Variants in SEC24C observed in about 807,000 individuals in gnomAD.
SEC24C encodes the protein protein transport protein Sec24C.
Under a neutral mutation model 117.0 loss-of-function variants are expected in SEC24C, and 22 were observed. That is an observed-to-expected ratio of 0.19 (90% CI 0.13 to 0.27). The LOEUF (loss-of-function observed/expected upper bound fraction) is 0.27. Ranked by LOEUF, SEC24C falls within the 10% of genes least tolerant of loss-of-function variation. SEC24C has a pLI of 1.00. For missense variants in SEC24C, 1,155 were observed against 1,375.1 expected (o/e 0.84, Z 2.53); for synonymous variants, 506 against 529.4 (o/e 0.96, Z 0.61).
chr10:73,750,818 G>T (rs1360191309), intron 2 of SEC24C, among the ~76,000 whole-genome samples: 1 of 152,164 alleles, frequency 6.6e-6, no homozygotes, highest in Non-Finnish European at 1.5e-5. Context: ...AGGCAGTCTT[G>T]GATTGACTGA....
In SEC24C at chr10:73,769,328, C is replaced by G; in HGVS notation, c.2425-19C>G. The stretch of plus-strand genomic sequence containing the variant: ...TTGTGAGGGAGGGGTGTGAGTTCCC[C>G]CTTTCTCCTTTCCCCTAGTGTGCCC... On this transcript the variant is annotated intron_variant, in intron 17 of 22. Transcript: ENST00000345254. This position sits in a 1 kb window ranked among gnomAD's most constrained non-coding sequence, Gnocchi z 4.5. 1 of 1,612,980 alleles carries G rather than the reference C, an allele frequency of 6.2e-7. No individual in the cohort carries two copies. Among genetic ancestry groups the G allele is most frequent in the Non-Finnish European group, 8.5e-7 (1 of 1,179,502 alleles).
intron 7 of SEC24C, 100 bp downstream of exon 7, chr10:73,763,701 G>GTTTTTTTTTTTTTTTTT (rs889435844): frequency 1.0e-4 from 15 of 143,902 alleles, no homozygotes; most frequent in African/African-American, 3.1e-4. Flanking sequence ...TTTTTTTTTA[G>GTTTTTTTTTTTTTTTTT]TTTTTAACCA....
chr10:73,758,562 C>T (rs2082747798), intron 3 of SEC24C, among the ~76,000 whole-genome samples: 2 of 152,190 alleles, frequency 1.3e-5, no homozygotes, highest in Admixed American at 1.3e-4. Flanking sequence ...GCTATTCCCC[C>T]ATTCCCCTAT....
chr10:73,750,727 C>T (rs765721677), intron 2 of SEC24C, among the ~76,000 whole-genome samples: 3 of 152,186 alleles, frequency 2.0e-5, no homozygotes, highest in Non-Finnish European at 4.4e-5. Context: ...TCTCCTTTTT[C>T]ATATATGCTC....
At chr10:73,752,634 A>G (rs968827110) in intron 3 of SEC24C, among the ~76,000 whole-genome samples, 4 of 152,068 alleles carry the variant, frequency 2.6e-5, no homozygotes, top group African/African-American at 9.7e-5. Flanking sequence ...CAGGGTGAGG[A>G]TATAGTGAGG....
rs1031498981 is a variant in SEC24C at position 73,771,201 on chromosome 10, T to A, written c.*106T>A. 2 of 1,332,206 alleles carry A rather than the reference T, an allele frequency of 1.5e-6. No individual in the cohort carries two copies. The highest frequency in any genetic ancestry group is 2.9e-5 in the African/African-American group (2 of 68,018). 82.5% of individuals were successfully genotyped at this position (1,332,206 alleles called of 1,614,324 possible). ...TATCTTATGTAAGCTGACCTCAGTC[T>A]CTCTGGGGGGAGGGGGAGATATAAG... On this transcript the variant is annotated 3_prime_UTR_variant, in exon 23 of 23. Transcript: ENST00000345254.
chr10:73,752,867 T>C (rs1398219220), intron 3 of SEC24C, among the ~76,000 whole-genome samples: 6 of 152,070 alleles, frequency 3.9e-5, no homozygotes, highest in Non-Finnish European at 5.9e-5. Flanking sequence ...AACAAGCATA[T>C]GCCTTAGTAA....
rs779983207 is a variant in SEC24C, at chr10:73,767,153, A to G, written c.1993A>G (p.Asn665Asp). ...GAACAGAGATGACAGGAAGCTGATC[A>G]ATACAGACAAGGAGAAGGTGTGGGA... Reference protein sequence around the residue: ...LKNRDDRKLINTDKEKTLFQP... With the variant: ...LKNRDDRKLIDTDKEKTLFQP... Residue 665 changes from asparagine (N) to aspartate (D), a missense_variant, in exon 14 of 23, where the codon AAT (asparagine) becomes GAT (aspartate). Around this residue, in one of 2 missense-constraint regions of SEC24C, gnomAD observed 759 missense variants for 992.3 expected, o/e 0.76. Transcript: ENST00000345254. 1.1e-5 allele frequency: 18 copies of G among 1,612,050 alleles called. 1 individual carries two copies. In the South Asian group the frequency reaches 2.0e-4, roughly 18 times the overall value.
chr10:73,768,256 C>T (rs890094595), intron 15 of SEC24C, among the ~76,000 whole-genome samples: 23 of 152,210 alleles, frequency 1.5e-4, no homozygotes, highest in African/African-American at 5.3e-4. Flanking sequence ...TGGTGGCGGG[C>T]GCCTGTAATC....
intron 2 of SEC24C, among the ~76,000 whole-genome samples, chr10:73,747,634 G>A (rs2082577017): frequency 1.3e-5 from 2 of 149,478 alleles, no homozygotes; most frequent in African/African-American, 2.5e-5. Context: ...TTATAGGCGT[G>A]AGCTACCGTG....
chr10:73,765,328 A>T (rs1260677483), intron 8 of SEC24C, 123 bp from the exon 9 acceptor site: 6 of 1,028,120 alleles, frequency 5.8e-6, no homozygotes, highest in Non-Finnish European at 8.7e-6. Flanking sequence ...TGTGCTCCCT[A>T]CTCCCTCTGC....
At chr10:73,764,044 C>T (rs558387308) in intron 8 of SEC24C, 61 bp downstream of exon 8, 11 of 1,516,224 alleles carry the variant, frequency 7.3e-6, no homozygotes, top group African/African-American at 1.4e-5. Context: ...GGGTCTAAAG[C>T]GTCTTCCTGG....
In SEC24C at chr10:73,765,606, T is replaced by A; in HGVS notation, c.1366+17T>A. ...TCAATGATGGTATGTTCATGGAAGC[T>A]GGGATTTGGGGGAAGGTCTTGATTG... On this transcript the variant is annotated intron_variant, in intron 9 of 22. Coordinates refer to ENST00000345254, the MANE Select transcript of SEC24C (RefSeq NM_198597.3). 1 of 1,610,076 alleles carries A rather than the reference T, an allele frequency of 6.2e-7. No homozygotes were observed. Among genetic ancestry groups the A allele is most frequent in the South Asian group, 1.1e-5 (1 of 91,032 alleles).
In SEC24C at chr10:73,769,620, C is replaced by T. The variant is rs1212940460; in HGVS notation, c.2569C>T (p.Arg857Trp). 1.6e-5 allele frequency: 26 copies of T among 1,613,832 alleles called. No individual in the cohort carries two copies. Among genetic ancestry groups the T allele is most frequent in the South Asian group, 4.4e-5 (4 of 91,082 alleles). ...ATCTTTGCTTTCCCATCCAGCATAT[C>T]GGGGAGTCCTGAATAGCCCTGTGAA... The part of the protein sequence containing the change: ...LINYMAKFAY[R>W]GVLNSPVKAV... The change falls in exon 19 of 23, where the codon CGG becomes TGG. Residue 857 changes from arginine to tryptophan, a missense_variant. Physicochemically the swap from Arg to Trp is moderately radical, Grantham distance 101 (BLOSUM62 -3). Transcript: ENST00000345254. The surrounding 1 kb of genome is among the most constrained non-coding windows in gnomAD (Gnocchi z 4.5).
intron 3 of SEC24C, among the ~76,000 whole-genome samples, chr10:73,756,865 TG>T (rs1223458577): frequency 9.3e-5 from 14 of 151,134 alleles, no homozygotes; most frequent in Admixed American, 7.9e-4. Context: ...CCCAAAGTTC[TG>T]GGATTACAGG....
intron 2 of SEC24C, 143 bp downstream of exon 2, chr10:73,747,147 G>GA (rs2082567090): frequency 1.6e-6 from 1 of 641,572 alleles, no homozygotes; most frequent in African/African-American, 1.9e-5. Context: ...GTGTAGCTGA[G>GA]AGCCCCGTGG....
At chr10:73,764,935 C>G (rs181974711) in intron 8 of SEC24C, among the ~76,000 whole-genome samples, 1 of 152,346 alleles carries the variant, frequency 6.6e-6, no homozygotes, top group East Asian at 1.9e-4. Context: ...CTATTTCTAT[C>G]TGGGTCCCAT....
intron 12 of SEC24C, 88 bp from the exon 13 acceptor site, chr10:73,766,672 G>A: frequency 6.9e-7 from 1 of 1,459,788 alleles, no homozygotes; most frequent in Non-Finnish European, 9.5e-7. Context: ...AGATTCTAGA[G>A]GCTTGATGAC....
At chr10:73,762,364 C>T (rs2082810789) in intron 6 of SEC24C, among the ~76,000 whole-genome samples, 1 of 152,104 alleles carries the variant, frequency 6.6e-6, no homozygotes, top group Non-Finnish European at 1.5e-5. Flanking sequence ...GAAGAGGTAG[C>T]AAGCTGTTTG....
Sources: allele counts gnomAD v4.1 joint callset (sites outside exome capture counted in the v4.1 genomes callset), GRCh38; gene constraint gnomAD v4.1.1; regional missense constraint gnomAD v4.1.1; non-coding constraint Gnocchi (gnomAD v3.1); transcripts MANE v1.5; gene names NCBI Gene and HGNC (gene_info 2026-07-23, HGNC 2026-07-21).